The following AGBL4 variants were observed in gnomAD, a reference collection of about 807,000 sequenced individuals.
The protein encoded by AGBL4 is cytosolic carboxypeptidase 6.
A neutral mutation model predicts 66.4 loss-of-function variants in AGBL4; 58 were observed. That is an observed-to-expected ratio of 0.87 (90% CI 0.71 to 1.09). The LOEUF (loss-of-function observed/expected upper bound fraction) is 1.09, where lower values mean the gene tolerates loss of function less well. Ranked by LOEUF, AGBL4 falls within the 50% of genes least tolerant of loss-of-function variation. The pLI is 0.00. For synonymous variants in AGBL4, 234 were observed against 222.9 expected, an observed-to-expected ratio of 1.05 and a Z score of -0.44; for missense variants, 579 against 631.0, an observed-to-expected ratio of 0.92 and a Z score of 0.88.
At chr1:48,938,121 C>A (rs1341927345) in intron 5 of AGBL4, among the ~76,000 whole-genome samples, 1 of 152,186 alleles carries the variant, frequency 6.6e-6, no homozygotes, top group Non-Finnish European at 1.5e-5. Context: ...AGAAGTATTG[C>A]TTTCCCTTCT....
At chr1:49,400,395 A>AT (rs138394533) in intron 3 of AGBL4, among the ~76,000 whole-genome samples, 1 of 151,892 alleles carries the variant, frequency 6.6e-6, no homozygotes, top group East Asian at 2.0e-4. Context: ...CATTTTAGGA[A>AT]TTTTTTTTCT....
At chr1:49,034,196 T>G (rs1307559726) in intron 5 of AGBL4, among the ~76,000 whole-genome samples, 1 of 152,156 alleles carries the variant, frequency 6.6e-6, no homozygotes, top group Non-Finnish European at 1.5e-5. Flanking sequence ...GTGATCCTTA[T>G]GGACAAGATG....
At chr1:49,745,973 A>G (rs527931018) in intron 2 of AGBL4, among the ~76,000 whole-genome samples, 1 of 152,158 alleles carries the variant, frequency 6.6e-6, no homozygotes, top group South Asian at 2.1e-4. Flanking sequence ...GACAGACCAG[A>G]AATTATGCAT....
intron 6 of AGBL4, among the ~76,000 whole-genome samples, chr1:48,712,425 G>T (rs1179761409): frequency 2.0e-5 from 3 of 151,984 alleles, no homozygotes; most frequent in African/African-American, 7.3e-5. Context: ...CCCCTCTCTG[G>T]CACTCAGTTT....
intron 11 of AGBL4, among the ~76,000 whole-genome samples, chr1:48,578,175 A>T (rs1644683476): frequency 6.6e-6 from 1 of 152,148 alleles, no homozygotes. Flanking sequence ...TTAGGACCCA[A>T]AGCAGGGAAC....
intron 4 of AGBL4, among the ~76,000 whole-genome samples, chr1:49,193,243 G>C (rs564679290): frequency 2.0e-5 from 3 of 148,812 alleles, no homozygotes; most frequent in African/African-American, 7.4e-5. Flanking sequence ...TTTTTTTTCT[G>C]GTAGCTTTGT....
chr1:49,881,406 A>T (rs770224646), intron 1 of AGBL4, among the ~76,000 whole-genome samples: 2 of 152,098 alleles, frequency 1.3e-5, no homozygotes, highest in Non-Finnish European at 2.9e-5. Flanking sequence ...ATACCCAGTA[A>T]TGGGATGGCT....
rs1254700837 is a variant in AGBL4 at position 49,807,265 on chromosome 1, G to A, written c.157+44131C>T. On this transcript the variant is annotated intron_variant, in intron 2 of 13. Coordinates refer to ENST00000371839, the MANE Select transcript of AGBL4 (RefSeq NM_032785.4). ...CCTTGAAAGCTGCAAAGCGATTAGGGCAGGGTTACCCAGAGCTTTGGGGAC... is the reference window on the plus strand; with the variant it reads ...CCTTGAAAGCTGCAAAGCGATTAGGACAGGGTTACCCAGAGCTTTGGGGAC... Among the ~76,000 whole-genome samples, 4 of 152,146 alleles carry A rather than the reference G, an allele frequency of 2.6e-5. No homozygotes were observed. In the East Asian group the frequency reaches 5.8e-4, roughly 22 times the overall value.
At chr1:48,869,162 T>C (rs1201529917) in intron 5 of AGBL4, among the ~76,000 whole-genome samples, 1 of 152,208 alleles carries the variant, frequency 6.6e-6, no homozygotes, top group Non-Finnish European at 1.5e-5. Context: ...CATACCTGTT[T>C]TCCTGCCAAC....
chr1:49,615,712 A>G (rs1436682920), intron 3 of AGBL4, among the ~76,000 whole-genome samples: 2 of 152,134 alleles, frequency 1.3e-5, no homozygotes, highest in East Asian at 3.9e-4. Flanking sequence ...CACTTGGAGC[A>G]TTTGGGTTCT....
At chr1:49,160,901 C>G (rs1646528432) in intron 4 of AGBL4, among the ~76,000 whole-genome samples, 1 of 152,166 alleles carries the variant, frequency 6.6e-6, no homozygotes, top group East Asian at 1.9e-4. Context: ...GCCCCTCCCC[C>G]CACCAAACTT....
chr1:49,511,596 A>G (rs1317912588), intron 3 of AGBL4, among the ~76,000 whole-genome samples: 4 of 151,840 alleles, frequency 2.6e-5, no homozygotes, highest in Non-Finnish European at 5.9e-5. Flanking sequence ...CCTAAAACTT[A>G]AAGTATAATT....
chr1:49,219,622 A>G (rs1314410224), intron 4 of AGBL4, among the ~76,000 whole-genome samples: 1 of 152,198 alleles, frequency 6.6e-6, no homozygotes, highest in African/African-American at 2.4e-5. Flanking sequence ...CCCATCATAT[A>G]GCAATGTCCA....
At chr1:49,769,597 G>T (rs1463945273) in intron 2 of AGBL4, among the ~76,000 whole-genome samples, 2 of 152,126 alleles carry the variant, frequency 1.3e-5, no homozygotes, top group East Asian at 3.9e-4. Context: ...AAATAGCATG[G>T]TAATGGTAGA....
intron 5 of AGBL4, among the ~76,000 whole-genome samples, chr1:48,947,370 A>G (rs1656604546): frequency 6.6e-6 from 1 of 152,228 alleles, no homozygotes; most frequent in African/African-American, 2.4e-5. Flanking sequence ...CATCTTATAT[A>G]GTAGAGTCTC....
At chr1:48,875,820 T>C (rs2148835062) in intron 5 of AGBL4, among the ~76,000 whole-genome samples, 1 of 152,300 alleles carries the variant, frequency 6.6e-6, no homozygotes, top group South Asian at 2.1e-4. Flanking sequence ...ATTGTTGCCC[T>C]TTTTTACAAA....
At chr1:49,158,768 A>G (rs960683683) in intron 4 of AGBL4, among the ~76,000 whole-genome samples, 1 of 151,798 alleles carries the variant, frequency 6.6e-6, no homozygotes, top group Admixed American at 6.6e-5. Flanking sequence ...GGCCGCATAT[A>G]TATTTAGGAT....
intron 3 of AGBL4, among the ~76,000 whole-genome samples, chr1:49,557,072 T>C (rs1643920809): frequency 1.3e-5 from 2 of 151,954 alleles, no homozygotes; most frequent in Non-Finnish European, 2.9e-5. Context: ...GCAGCCCTGG[T>C]TCCCACCCGA....
At chr1:49,073,010 A>G (rs987572508) in intron 4 of AGBL4, among the ~76,000 whole-genome samples, 4 of 151,880 alleles carry the variant, frequency 2.6e-5, no homozygotes, top group African/African-American at 9.7e-5. Context: ...TCAGTCACTG[A>G]TATCCTTTCT....
Sources: allele counts gnomAD v4.1 joint callset (sites outside exome capture counted in the v4.1 genomes callset), GRCh38; gene constraint gnomAD v4.1.1; transcripts MANE v1.5; gene names NCBI Gene and HGNC (gene_info 2026-07-23, HGNC 2026-07-21).